Variants in FANCB observed in about 807,000 individuals in gnomAD.
The protein encoded by FANCB is Fanconi anemia group B protein.
A neutral mutation model predicts 38.9 loss-of-function variants in FANCB; 5 were observed. The observed-to-expected ratio is 0.13, with a 90% CI of 0.07 to 0.27. The LOEUF (loss-of-function observed/expected upper bound fraction) is 0.27, where lower values mean the gene tolerates loss of function less well. Among genes scored for constraint, FANCB ranks in the 10% least tolerant of loss-of-function variants. The pLI is 1.00. For missense variants in FANCB, 573 were observed against 602.7 expected, an observed-to-expected ratio of 0.95 and a Z score of 0.52; for synonymous variants, 236 against 215.4, an observed-to-expected ratio of 1.10 and a Z score of -0.84.
At chrX:14,715,203 T>C in the FANCB span, among the ~76,000 whole-genome samples, 2 of 112,237 alleles carry the variant, frequency 1.8e-5, no homozygotes, top group African/African-American at 6.5e-5. Flanking sequence ...CTCACGAGCT[T>C]AATACTTGGC....
chrX:14,831,320 T>C (rs1334284608), downstream of FANCB, among the ~76,000 whole-genome samples: 1 of 112,350 alleles, frequency 8.9e-6, no homozygotes, highest in African/African-American at 3.2e-5. Flanking sequence ...TTTTACCTTT[T>C]GGAGTCAACA....
chrX:14,830,463 G>A, the FANCB span, among the ~76,000 whole-genome samples: 1 of 111,644 alleles, frequency 9.0e-6, no homozygotes, highest in South Asian at 3.7e-4. Flanking sequence ...TTGTGTACAT[G>A]TACATACACA....
the FANCB span, among the ~76,000 whole-genome samples, chrX:14,825,836 C>A: frequency 8.9e-6 from 1 of 112,237 alleles, no homozygotes; most frequent in Non-Finnish European, 1.9e-5. Flanking sequence ...GGTTAATCAA[C>A]TCAATCCAAT....
rs1036812769 is a variant in FANCB at position 14,864,947 on chromosome X, T to C, written c.564A>G (p.Glu188=). The change falls in exon 3 of 10, where the codon GAA becomes GAG. Residue 188 remains glutamate (E), a synonymous_variant. Coordinates refer to ENST00000650831, the MANE Select transcript of FANCB (RefSeq NM_001018113.3). The stretch of plus-strand genomic sequence containing the variant: ...TACATTCTTCCTCAGATAAACAACA[T>C]TCCTTTAGTCCCAATAAAACCATAC... The part of the protein sequence containing the change: ...NLGMVLLGLK[E]CCLSEEECTQ... The C allele has an allele frequency of 2.5e-6, 3 of 1,209,376 alleles. No individual in the cohort carries two copies. The highest frequency in any genetic ancestry group is 3.5e-5 in the African/African-American group (2 of 57,205).
At chrX:14,716,812 G>T in the FANCB span, among the ~76,000 whole-genome samples, 2 of 111,058 alleles carry the variant, frequency 1.8e-5, no homozygotes, top group Non-Finnish European at 3.8e-5. Flanking sequence ...AAGAAAAATG[G>T]AAATTAATAC....
chrX:14,848,696 A>C (rs1276815476), intron 7 of FANCB, among the ~76,000 whole-genome samples: 1 of 112,089 alleles, frequency 8.9e-6, no homozygotes, highest in Non-Finnish European at 1.9e-5. Context: ...GTAAATTCTT[A>C]TCTCTGTATA....
chrX:14,689,736 T>G, the FANCB span, among the ~76,000 whole-genome samples: 1 of 112,168 alleles, frequency 8.9e-6, no homozygotes, highest in African/African-American at 3.2e-5. Context: ...TAGAACTGAA[T>G]AGTACACATT....
chrX:14,775,871 G>GC, the FANCB span, among the ~76,000 whole-genome samples: 1 of 111,345 alleles, frequency 9.0e-6, no homozygotes, highest in Non-Finnish European at 1.9e-5. Context: ...ATTCCTAAGA[G>GC]CTCTGTAAGG....
At chrX:14,813,616 A>G in the FANCB span, among the ~76,000 whole-genome samples, 1 of 111,616 alleles carries the variant, frequency 9.0e-6, no homozygotes, top group East Asian at 2.8e-4. Flanking sequence ...TCCAACTTAC[A>G]AGGGATGGGA....
At chrX:14,845,368 AG>A (rs2092372116) in intron 7 of FANCB, 82 bp from the exon 8 acceptor site, 1 of 727,956 alleles carries the variant, frequency 1.4e-6, no homozygotes, top group Non-Finnish European at 2.1e-6. Flanking sequence ...TACAAACAAC[AG>A]TAAAAAATGT....
the FANCB span, among the ~76,000 whole-genome samples, chrX:14,760,776 C>T: frequency 9.0e-6 from 1 of 111,273 alleles, no homozygotes; most frequent in African/African-American, 3.3e-5. Flanking sequence ...CGAGACCACC[C>T]TGGCCAATAT....
the FANCB span, among the ~76,000 whole-genome samples, chrX:14,741,660 G>C: frequency 9.0e-6 from 1 of 111,447 alleles, no homozygotes; most frequent in Non-Finnish European, 1.9e-5. Context: ...TTACACTTGA[G>C]GTTTTCTATC....
chrX:14,730,811 A>T, the FANCB span: 1 of 195,499 alleles, frequency 5.1e-6, no homozygotes, highest in East Asian at 1.2e-4. Flanking sequence ...ATGCGGGGTC[A>T]AGTTCTTAAG....
chrX:14,758,471 C>G, the FANCB span, among the ~76,000 whole-genome samples: 23 of 111,873 alleles, frequency 2.1e-4, no homozygotes, highest in Non-Finnish European at 3.2e-4. Flanking sequence ...GAGTCCACAT[C>G]ACTCCCCTGC....
chrX:14,747,921 A>G, the FANCB span, among the ~76,000 whole-genome samples: 19 of 112,093 alleles, frequency 1.7e-4, no homozygotes, highest in Admixed American at 1.8e-3. Flanking sequence ...TAGTATTTTC[A>G]TATAGAACAA....
chrX:14,769,645 C>T, the FANCB span, among the ~76,000 whole-genome samples: 2 of 111,396 alleles, frequency 1.8e-5, no homozygotes, highest in Middle Eastern at 4.6e-3. Flanking sequence ...GTTTTAGTGT[C>T]TCCATCTCCT....
chrX:14,694,888 G>A, the FANCB span, among the ~76,000 whole-genome samples: 1 of 111,743 alleles, frequency 8.9e-6, no homozygotes, highest in Non-Finnish European at 1.9e-5. Context: ...ACAGATTTTT[G>A]GCTTAAGCAA....
chrX:14,698,445 G>A, the FANCB span, among the ~76,000 whole-genome samples: 9 of 109,525 alleles, frequency 8.2e-5, no homozygotes, highest in African/African-American at 3.0e-4. Flanking sequence ...TTGGGAGGCC[G>A]AGGTGGGTGG....
the FANCB span, among the ~76,000 whole-genome samples, chrX:14,826,412 C>A: frequency 7.1e-5 from 8 of 112,037 alleles, no homozygotes; most frequent in Admixed American, 6.6e-4. Flanking sequence ...TCATCTAGAC[C>A]TTATTTCCAC....
Sources: gnomAD v4.1 joint callset for allele counts (sites outside exome capture counted in the v4.1 genomes callset) on GRCh38, gnomAD v4.1.1 for gene constraint, MANE v1.5 for transcripts, NCBI Gene and HGNC (gene_info 2026-07-23, HGNC 2026-07-21) for gene names.